Variants in B4GALNT3 observed in about 807,000 individuals in gnomAD.
B4GALNT3 encodes beta-1,4-N-acetyl-galactosaminyltransferase 3.
B4GALNT3 carries 86 observed loss-of-function variants against 120.2 expected under a neutral mutation model. The observed-to-expected ratio is 0.72, with a 90% confidence interval of 0.60 to 0.86. The LOEUF (loss-of-function observed/expected upper bound fraction) is 0.86, where lower values mean the gene tolerates loss of function less well. B4GALNT3 is among the 40% of genes least tolerant of loss of function. The pLI is 0.00. For synonymous variants in B4GALNT3, 518 were observed against 510.4 expected (o/e 1.01, Z -0.20); for missense variants, 1,167 against 1,298.9 (o/e 0.90, Z 1.56).
intron 1 of B4GALNT3, among the ~76,000 whole-genome samples, chr12:479,580 G>A (rs143163654): frequency 1.8e-3 from 267 of 152,270 alleles, no homozygotes; most frequent in African/African-American, 6.1e-3. Context: ...CGATAAGGGG[G>A]AAGTTGAGCA....
chr12:544,851 G>A, intron 4 of B4GALNT3, 31 bp from the exon 5 acceptor site: 1 of 1,606,730 alleles, frequency 6.2e-7, no homozygotes, highest in Non-Finnish European at 8.5e-7. Flanking sequence ...CCTCTTCTGG[G>A]TAACTGTTTC....
intron 1 of B4GALNT3, among the ~76,000 whole-genome samples, chr12:467,535 G>T (rs1488798837): frequency 2.0e-5 from 3 of 152,032 alleles, no homozygotes; most frequent in Non-Finnish European, 4.4e-5. Context: ...CTCCAGCCTG[G>T]GTGACAGCAA....
At chr12:494,484 G>A (rs1365544841) in intron 1 of B4GALNT3, among the ~76,000 whole-genome samples, 2 of 152,150 alleles carry the variant, frequency 1.3e-5, no homozygotes, top group Non-Finnish European at 2.9e-5. Context: ...AGGAGTATGA[G>A]CGCTGGAGTC....
At position 529,560 on chromosome 12, in the gene B4GALNT3, A is replaced by G. The variant is rs189073906; in HGVS notation, c.170-5606A>G. On this transcript the variant is annotated intron_variant, in intron 1 of 19. Coordinates refer to ENST00000266383, the MANE Select transcript of B4GALNT3 (RefSeq NM_173593.4). ...GATGATTGGAACAGATTCTGGAGAT[A>G]TATATCGGGCTCCCTTGCCATTTAC... is the stretch of plus-strand genomic sequence containing the variant. Among the ~76,000 whole-genome samples, 7 of 152,368 alleles carry G rather than the reference A, an allele frequency of 4.6e-5. No individual in the cohort carries two copies. In the East Asian group the frequency reaches 1.3e-3, roughly 29 times the overall value.
At chr12:511,110 A>G (rs1946545282) in intron 1 of B4GALNT3, among the ~76,000 whole-genome samples, 1 of 130,012 alleles carries the variant, frequency 7.7e-6, no homozygotes, top group Non-Finnish European at 1.5e-5. Flanking sequence ...GCTCACTGCA[A>G]TTTCTGCCTG....
intron 1 of B4GALNT3, among the ~76,000 whole-genome samples, chr12:519,652 T>G (rs371231754): frequency 6.7e-6 from 1 of 150,068 alleles, no homozygotes; most frequent in Non-Finnish European, 1.5e-5. Flanking sequence ...TCCCAAGCAG[T>G]TTTTATCAGC....
Position 544,951 on chromosome 12 carries a change from T to C in B4GALNT3, c.517T>C (p.Tyr173His). 1 of 1,614,038 alleles carries C rather than the reference T, an allele frequency of 6.2e-7. No homozygotes were observed. The highest frequency in any genetic ancestry group is 2.2e-5 in the East Asian group (1 of 44,882). ...CAACTATGGCCTCCGCATCTTTGGC[T>C]ACCTGCACCCCTTTACTGATGGTGA... Reference protein sequence around the residue: ...WTNYGLRIFGYLHPFTDGKIQ... With the variant: ...WTNYGLRIFGHLHPFTDGKIQ... Residue 173 changes from tyrosine (Y) to histidine (H), a missense_variant, in exon 5 of 20, where the codon TAC becomes CAC. Tyr to His is a moderately conservative substitution (Grantham distance 83, BLOSUM62 2). Transcript: ENST00000266383.
At chr12:543,767 A>T in intron 3 of B4GALNT3, among the ~76,000 whole-genome samples, 2 of 38,698 alleles carry the variant, frequency 5.2e-5, no homozygotes, top group East Asian at 8.6e-4. Context: ...TCATCCTCCC[A>T]GAGCTGAGGA....
At position 556,538 on chromosome 12, in the gene B4GALNT3, C is replaced by G. The variant is rs1235416971; in HGVS notation, c.2061-9C>G. On this transcript the variant is annotated splice_polypyrimidine_tract_variant and intron_variant, in intron 14 of 19. Coordinates refer to ENST00000266383, the MANE Select transcript of B4GALNT3 (RefSeq NM_173593.4). ...GAACCACTCAGCCTCCCCACACTTT[C>G]TGCCATAGGAGGTACCAGCTACAGC... The G allele has an allele frequency of 1.2e-6, 2 of 1,604,242 alleles. No homozygotes were observed. Among genetic ancestry groups the G allele is most frequent in the East Asian group, 2.2e-5 (1 of 44,632 alleles).
intron 1 of B4GALNT3, among the ~76,000 whole-genome samples, chr12:523,492 T>G (rs556980256): frequency 2.6e-5 from 4 of 152,304 alleles, no homozygotes; most frequent in Non-Finnish European, 4.4e-5. Context: ...TTTCCTAGAT[T>G]AGGCTCAGCC....
chr12:462,981 A>G (rs1946036841), intron 1 of B4GALNT3, among the ~76,000 whole-genome samples: 1 of 152,148 alleles, frequency 6.6e-6, no homozygotes, highest in Non-Finnish European at 1.5e-5. Context: ...ACTCTTGGAT[A>G]CCAACAGGAA....
In B4GALNT3 at chr12:561,728, GGT is replaced by G; in HGVS notation, c.*278_*279del. On this transcript the variant is annotated 3_prime_UTR_variant, in exon 20 of 20. Transcript: ENST00000266383. The stretch of plus-strand genomic sequence containing the variant: ...ACGGGAAGAGCTCCTGAGAAGGACG[GGT>G]CAGGAAGGAGAGATCTGACTGAGCG... 2.6e-6 allele frequency: 1 copy of G among 384,746 alleles called. No homozygotes were observed. The highest frequency in any genetic ancestry group is 3.7e-5 in the South Asian group (1 of 27,108). 23.8% of individuals were successfully genotyped at this position (384,746 alleles called of 1,614,324 possible). A position where few individuals can be genotyped will look rare whatever the true frequency, so the allele number is the denominator to read the frequency against.
intron 1 of B4GALNT3, among the ~76,000 whole-genome samples, chr12:521,931 C>G (rs1820125988): frequency 6.6e-6 from 1 of 151,844 alleles, no homozygotes; most frequent in South Asian, 2.1e-4. Context: ...ACCTCCCTGT[C>G]CCTGGGGAGA....
rs1015447030 is a variant in B4GALNT3 at position 549,867 on chromosome 12, C to T, written c.952C>T (p.Pro318Ser). ...CGCTCTTCCCAGGGATGAGCAGCCG[C>T]CCGCTGACATGCTTCGGCCTGACCC... is the stretch of plus-strand genomic sequence containing the variant. The part of the protein sequence containing the change: ...SNALPRDEQP[P>S]ADMLRPDPRD... The change falls in exon 10 of 20, where the codon CCC becomes TCC. Residue 318 changes from proline (P) to serine (S), a missense_variant. Transcript: ENST00000266383. The T allele has an allele frequency of 1.2e-6, 2 of 1,613,704 alleles. No homozygotes were observed. The highest frequency in any genetic ancestry group is 1.7e-5 in the Admixed American group (1 of 60,022).
chr12:542,245 G>A (rs936543799), intron 3 of B4GALNT3, among the ~76,000 whole-genome samples: 12 of 152,094 alleles, frequency 7.9e-5, no homozygotes, highest in South Asian at 4.1e-4. Context: ...GTTCTCCTGC[G>A]TCTTTCTGGA....
intron 6 of B4GALNT3, 62 bp from the exon 7 acceptor site, chr12:546,584 C>A: frequency 6.9e-7 from 1 of 1,455,818 alleles, no homozygotes; most frequent in Non-Finnish European, 9.4e-7. Flanking sequence ...CTCGCACTCA[C>A]CGCCTCGCGT....
Position 548,300 on chromosome 12 carries a change from G to C in B4GALNT3, c.853+3G>C, listed in dbSNP as rs1947033582. 3.1e-6 allele frequency: 5 copies of C among 1,613,856 alleles called. No individual in the cohort carries two copies. The highest frequency in any genetic ancestry group is 4.2e-6 in the Non-Finnish European group (5 of 1,179,762). ...CCTCTCCCTGTCCCTCTTCACAAGTGAGTAGGCTCTGGCCCTGCCCTGGAG... is the reference window on the plus strand; with the variant it reads ...CCTCTCCCTGTCCCTCTTCACAAGTCAGTAGGCTCTGGCCCTGCCCTGGAG... On this transcript the variant is annotated splice_donor_region_variant and intron_variant, in intron 9 of 19. Transcript: ENST00000266383. The surrounding 1 kb of genome is among the most constrained non-coding windows in gnomAD (Gnocchi z 4.9).
Position 561,588 on chromosome 12 carries a change from C to T in B4GALNT3, c.*137C>T, listed in dbSNP as rs1292516474. On this transcript the variant is annotated 3_prime_UTR_variant, in exon 20 of 20. Coordinates refer to ENST00000266383, the MANE Select transcript of B4GALNT3 (RefSeq NM_173593.4). ...GCCTCGAAGCTGACGGCCCACTCCA[C>T]CTGGAGCTGTCCCCTCACAGAGGCA... The T allele has an allele frequency of 7.6e-6, 5 of 660,844 alleles. No homozygotes were observed. Among genetic ancestry groups the T allele is most frequent in the Middle Eastern group, 4.1e-4 (1 of 2,450 alleles). 40.9% of individuals were successfully genotyped at this position (660,844 alleles called of 1,614,324 possible). A position where few individuals can be genotyped will look rare whatever the true frequency, so the allele number is the denominator to read the frequency against.
chr12:508,450 T>C (rs1946518048), intron 1 of B4GALNT3, among the ~76,000 whole-genome samples: 1 of 152,168 alleles, frequency 6.6e-6, no homozygotes, highest in South Asian at 2.1e-4. Context: ...TGGCTAATTT[T>C]TAAAAATTTG....
Sources: allele counts gnomAD v4.1 joint callset (sites outside exome capture counted in the v4.1 genomes callset), GRCh38; gene constraint gnomAD v4.1.1; non-coding constraint Gnocchi (gnomAD v3.1); transcripts MANE v1.5; gene names NCBI Gene and HGNC (gene_info 2026-07-23, HGNC 2026-07-21).